The following GNA14 variants were observed in gnomAD, a reference collection of about 807,000 sequenced individuals.
GNA14 encodes guanine nucleotide-binding protein subunit alpha-14.
Under a neutral mutation model 42.0 loss-of-function variants are expected in GNA14, and 50 were observed. That is an observed-to-expected ratio of 1.19 (90% CI 0.95 to 1.51). The LOEUF (loss-of-function observed/expected upper bound fraction) is 1.51. GNA14 is among the 40% of genes most tolerant of loss of function. The pLI is 0.00. For missense variants in GNA14, 473 were observed against 446.2 expected (o/e 1.06, Z -0.54); for synonymous variants, 173 against 163.1 (o/e 1.06, Z -0.46).
At chr9:77,478,202 G>A (rs557560832) in intron 2 of GNA14, among the ~76,000 whole-genome samples, 48 of 108,004 alleles carry the variant, frequency 4.4e-4, no homozygotes, top group African/African-American at 7.6e-4. Context: ...AACAGTCCCC[G>A]GAGTGTGATG....
At chr9:77,500,959 TC>T (rs1278277356) in intron 2 of GNA14, among the ~76,000 whole-genome samples, 137 of 151,756 alleles carry the variant, frequency 9.0e-4, no homozygotes, top group African/African-American at 3.1e-3. Flanking sequence ...GTAGTTGAAC[TC>T]TTTTTTTTTT....
intron 2 of GNA14, among the ~76,000 whole-genome samples, chr9:77,501,104 G>A (rs1220726994): frequency 3.9e-5 from 6 of 152,072 alleles, no homozygotes; most frequent in Non-Finnish European, 8.8e-5. Flanking sequence ...ACAGGCATGC[G>A]CCACCACACT....
chr9:77,458,446 G>A (rs112215849), intron 2 of GNA14, among the ~76,000 whole-genome samples: 3 of 152,248 alleles, frequency 2.0e-5, no homozygotes, highest in African/African-American at 7.2e-5. Context: ...ATTAGTGACT[G>A]GTGAGAAGAC....
chr9:77,424,532 A>G lies in GNA14; in HGVS notation c.878-363T>C, dbSNP rs558926819. On this transcript the variant is annotated intron_variant, in intron 6 of 6. Coordinates refer to ENST00000341700, the MANE Select transcript of GNA14 (RefSeq NM_004297.4). ...GCCACCGTGCCTGGCCCCAAGAACC[A>G]TTTTTTAATGTATTCTTGTTCTTAT... 6.6e-5 allele frequency among the ~76,000 whole-genome samples: 10 copies of G among 152,220 alleles called. No individual in the cohort carries two copies. The East Asian group carries it at 1.9e-3, about 29-fold the overall frequency.
chr9:77,471,261 T>G (rs1318978549), intron 2 of GNA14, among the ~76,000 whole-genome samples: 1 of 152,172 alleles, frequency 6.6e-6, no homozygotes, highest in African/African-American at 2.4e-5. Context: ...ATTTTAAAAG[T>G]AATGTGGAGC....
intron 2 of GNA14, among the ~76,000 whole-genome samples, chr9:77,486,187 C>A (rs982271116): frequency 5.3e-5 from 8 of 152,354 alleles, no homozygotes; most frequent in African/African-American, 1.9e-4. Context: ...CTTGCTGCAG[C>A]TTCTCCATCA....
intron 1 of GNA14, among the ~76,000 whole-genome samples, chr9:77,585,660 AT>A (rs1255945905): frequency 6.6e-6 from 1 of 152,228 alleles, no homozygotes; most frequent in Non-Finnish European, 1.5e-5. Flanking sequence ...ACAAAGTGGA[AT>A]TCCTCACCTA....
At chr9:77,613,926 G>C (rs1174574120) in intron 1 of GNA14, among the ~76,000 whole-genome samples, 2 of 152,116 alleles carry the variant, frequency 1.3e-5, no homozygotes, top group African/African-American at 4.8e-5. Flanking sequence ...CCAAATGTAA[G>C]GGAAGAAACA....
At chr9:77,630,981 G>T (rs1215955946) in intron 1 of GNA14, among the ~76,000 whole-genome samples, 1 of 152,124 alleles carries the variant, frequency 6.6e-6, no homozygotes, top group Non-Finnish European at 1.5e-5. Context: ...AAAAAATTTG[G>T]AAAGAATTCC....
At chr9:77,601,035 A>G (rs1823552903) in intron 1 of GNA14, among the ~76,000 whole-genome samples, 1 of 152,196 alleles carries the variant, frequency 6.6e-6, no homozygotes, top group African/African-American at 2.4e-5. Flanking sequence ...GGGAAAAAAG[A>G]AGGTGGAGCT....
chr9:77,446,898 C>G (rs1835828145), intron 2 of GNA14, among the ~76,000 whole-genome samples: 1 of 152,042 alleles, frequency 6.6e-6, no homozygotes, highest in African/African-American at 2.4e-5. Context: ...CCATTTTAAC[C>G]AGTACAGAGA....
intron 2 of GNA14, among the ~76,000 whole-genome samples, chr9:77,525,790 G>A (rs769879): frequency 2.6e-5 from 4 of 151,448 alleles, no homozygotes; most frequent in African/African-American, 9.7e-5. Context: ...TGCCTGCCTC[G>A]GCCTCCCAAA....
In GNA14 at chr9:77,431,357, A is replaced by G. The variant is rs142306459; in HGVS notation, c.557T>C (p.Ile186Thr). 307 of 1,612,250 alleles carry G rather than the reference A, an allele frequency of 1.9e-4. 1 individual carries two copies. The African/African-American group carries it at 2.8e-3, about 15-fold the overall frequency. ...LRVRVPTTGI[I>T]EYPFDLENII... is the part of the protein sequence containing the mutation. ...GTTTTCCAAGTCAAATGGATACTCA[A>G]TGATGCCGGTGGTGGGCACTCGGAC... The change falls in exon 4 of 7, where the codon ATT (isoleucine) becomes ACT (threonine). Residue 186 changes from isoleucine to threonine, a missense_variant. Ile to Thr is a moderately conservative substitution (Grantham distance 89). Transcript: ENST00000341700.
intron 2 of GNA14, among the ~76,000 whole-genome samples, chr9:77,461,827 G>C (rs1836112686): frequency 6.6e-6 from 1 of 152,142 alleles, no homozygotes; most frequent in South Asian, 2.1e-4. Context: ...TCCTGAGCAA[G>C]AGTAAAAGCC....
At chr9:77,552,804 T>C (rs564417563) in intron 1 of GNA14, among the ~76,000 whole-genome samples, 132 of 152,218 alleles carry the variant, frequency 8.7e-4, no homozygotes, top group Non-Finnish European at 1.7e-3. Context: ...CCAAATACAA[T>C]TAGTGCTATT....
At chr9:77,434,574 C>CA in intron 2 of GNA14, 52 bp from the exon 3 acceptor site, 1 of 1,505,784 alleles carries the variant, frequency 6.6e-7, no homozygotes, top group Non-Finnish European at 9.2e-7. Flanking sequence ...GAAGCCAACC[C>CA]ATTGGCAATG....
At chr9:77,641,494 T>A (rs910985700) in intron 1 of GNA14, among the ~76,000 whole-genome samples, 1 of 147,118 alleles carries the variant, frequency 6.8e-6, no homozygotes. Context: ...ACGTATCCAG[T>A]GTTCCAGCCA....
intron 1 of GNA14, among the ~76,000 whole-genome samples, chr9:77,541,519 A>G (rs2131776338): frequency 6.6e-6 from 1 of 152,202 alleles, no homozygotes; most frequent in Admixed American, 6.5e-5. Context: ...TGTGGAGAAG[A>G]CCTTTTTGCA....
chr9:77,625,052 A>G (rs977767089), intron 1 of GNA14, among the ~76,000 whole-genome samples: 2 of 152,030 alleles, frequency 1.3e-5, no homozygotes, highest in Non-Finnish European at 2.9e-5. Context: ...CAGTTTAGAG[A>G]AGAACATAAA....
Sources: gnomAD v4.1 joint callset for allele counts (sites outside exome capture counted in the v4.1 genomes callset) on GRCh38, gnomAD v4.1.1 for gene constraint, MANE v1.5 for transcripts, NCBI Gene and HGNC (gene_info 2026-07-23, HGNC 2026-07-21) for gene names.